IL23R: variants seen among roughly 807,000 people sequenced by gnomAD.
IL23R encodes the protein interleukin 23 receptor, also known as interleukin-23 receptor.
IL23R carries 34 observed loss-of-function variants against 56.9 expected under a neutral mutation model. The ratio of observed to expected loss-of-function variants is 0.60; its 90% CI spans 0.45 to 0.80. The LOEUF is 0.80. IL23R is among the 30% of genes least tolerant of loss of function. IL23R has a pLI of 0.00. For synonymous variants in IL23R, 230 were observed against 249.2 expected (o/e 0.92, Z 0.73); for missense variants, 635 against 730.0 (o/e 0.87, Z 1.50).
At chr1:67,186,113 A>C (rs950250308) in intron 4 of IL23R, among the ~76,000 whole-genome samples, 1 of 152,192 alleles carries the variant, frequency 6.6e-6, no homozygotes, top group Non-Finnish European at 1.5e-5. Context: ...CCATGAGAGC[A>C]AGACAACTAG....
At chr1:67,161,334 T>C (rs1646817526) in intron 1 of IL23R, among the ~76,000 whole-genome samples, 1 of 152,196 alleles carries the variant, frequency 6.6e-6, no homozygotes, top group African/African-American at 2.4e-5. Context: ...TTTAATGTGT[T>C]CAGTATTTTA....
At chr1:67,172,010 C>G (rs1646950494) in intron 3 of IL23R, among the ~76,000 whole-genome samples, 1 of 152,138 alleles carries the variant, frequency 6.6e-6, no homozygotes, top group African/African-American at 2.4e-5. Flanking sequence ...TCACTCTTTC[C>G]ACTTATTTAA....
intron 9 of IL23R, among the ~76,000 whole-genome samples, chr1:67,246,885 C>G (rs2100353158): frequency 6.6e-6 from 1 of 152,202 alleles, no homozygotes; most frequent in African/African-American, 2.4e-5. Context: ...TTCTGTCTCG[C>G]TGATCTGTCT....
At chr1:67,141,712 C>A (rs1305845254) in intron 1 of IL23R, among the ~76,000 whole-genome samples, 1 of 152,160 alleles carries the variant, frequency 6.6e-6, no homozygotes, top group Non-Finnish European at 1.5e-5. Flanking sequence ...GAGCTGAGAT[C>A]ACGCCACTGC....
intron 6 of IL23R, among the ~76,000 whole-genome samples, chr1:67,213,022 G>T (rs952451604): frequency 3.3e-5 from 5 of 151,844 alleles, no homozygotes; most frequent in Non-Finnish European, 5.9e-5. Context: ...TACAGGCATC[G>T]GGCACCACGT....
chr1:67,178,861 G>T (rs969072191), intron 3 of IL23R, among the ~76,000 whole-genome samples: 2 of 152,148 alleles, frequency 1.3e-5, no homozygotes, highest in South Asian at 2.1e-4. Context: ...CTTTTCTGCA[G>T]CTATTGAGAC....
chr1:67,146,248 C>A (rs944128916), intron 1 of IL23R, among the ~76,000 whole-genome samples: 3 of 152,156 alleles, frequency 2.0e-5, no homozygotes, highest in African/African-American at 7.2e-5. Context: ...CATGCAATAT[C>A]AAAAGTGATA....
intron 3 of IL23R, among the ~76,000 whole-genome samples, chr1:67,170,524 T>C (rs1646930243): frequency 6.6e-6 from 1 of 152,232 alleles, no homozygotes; most frequent in South Asian, 2.1e-4. Flanking sequence ...CTGAGTGTCC[T>C]GGAGGTGTTT....
Position 67,236,797 on chromosome 1 carries a change from C to A in IL23R, c.1040C>A (p.Thr347Asn), listed in dbSNP as rs1203890607. The change falls in exon 8 of 11, where the codon ACT becomes AAT. Residue 347 changes from threonine (T) to asparagine (N), a missense_variant. Coordinates refer to ENST00000347310, the MANE Select transcript of IL23R (RefSeq NM_144701.3). ...GCTTCCATCTCTACAGGGCACCTTACTTCTGGTAAGAAAATACAACTTAGG... is the reference window on the plus strand; with the variant it reads ...GCTTCCATCTCTACAGGGCACCTTAATTCTGGTAAGAAAATACAACTTAGG... ...TVASISTGHL[T>N]SDNRGDIGLL... The A allele has an allele frequency of 5.6e-6, 9 of 1,601,520 alleles. No homozygotes were observed. The highest frequency in any genetic ancestry group is 7.7e-6 in the Non-Finnish European group (9 of 1,168,604).
At chr1:67,169,194 A>T in intron 2 of IL23R, 148 bp from the exon 3 acceptor site, 1 of 577,718 alleles carries the variant, frequency 1.7e-6, no homozygotes, top group African/African-American at 1.9e-5. Context: ...AGGCTAGTTT[A>T]TGAAAAGATA....
At chr1:67,247,069 C>G (rs989311617) in intron 9 of IL23R, among the ~76,000 whole-genome samples, 2 of 151,784 alleles carry the variant, frequency 1.3e-5, no homozygotes, top group Non-Finnish European at 2.9e-5. Flanking sequence ...TTATGTAATG[C>G]CCTTCTTTGT....
At chr1:67,216,858 T>C (rs930662548) in intron 6 of IL23R, among the ~76,000 whole-genome samples, 2 of 152,088 alleles carry the variant, frequency 1.3e-5, no homozygotes, top group African/African-American at 4.8e-5. Flanking sequence ...ACAGAAAATG[T>C]GGAAAAATGT....
In IL23R at chr1:67,258,920, C is replaced by T; in HGVS notation, c.1682C>T (p.Pro561Leu). 6.2e-7 allele frequency: 1 copy of T among 1,614,046 alleles called. No homozygotes were observed. ...LILNQGECSS[P>L]DIQNSVEEET... ...TTAAATCAAGGAGAATGCAGTTCTC[C>T]TGACATACAAAACTCAGTAGAGGAG... is the stretch of plus-strand genomic sequence containing the variant. Residue 561 changes from proline to leucine, a missense_variant, in exon 11 of 11, where the codon CCT becomes CTT. Pro to Leu is a moderately conservative substitution (Grantham distance 98, BLOSUM62 -3). Coordinates refer to ENST00000347310, the MANE Select transcript of IL23R (RefSeq NM_144701.3).
chr1:67,251,204 G>C (rs925522009), intron 9 of IL23R, among the ~76,000 whole-genome samples: 1 of 152,208 alleles, frequency 6.6e-6, no homozygotes, highest in African/African-American at 2.4e-5. Flanking sequence ...TGTAATTCCA[G>C]CACTTTGGGA....
intron 4 of IL23R, among the ~76,000 whole-genome samples, chr1:67,194,750 A>G (rs935230111): frequency 1.3e-5 from 2 of 152,212 alleles, no homozygotes; most frequent in Admixed American, 6.5e-5. Context: ...AAAATATTCA[A>G]AGATGTCCTA....
At position 67,258,591 on chromosome 1, in the gene IL23R, G is replaced by A; in HGVS notation, c.1353G>A (p.Lys451=). 6.2e-7 allele frequency: 1 copy of A among 1,613,556 alleles called. No homozygotes were observed. Among genetic ancestry groups the A allele is most frequent in the Non-Finnish European group, 8.5e-7 (1 of 1,179,822 alleles). ...CAGAACACAAGCCTACAGACTACAA[G>A]AAGGAGAATACAGGACCCCTGGAGA... ...FIPEHKPTDY[K]KENTGPLETR... The change falls in exon 11 of 11, where the codon AAG becomes AAA. Residue 451 remains lysine (K), a synonymous_variant. Coordinates refer to ENST00000347310, the MANE Select transcript of IL23R (RefSeq NM_144701.3).
Position 67,193,075 on chromosome 1 carries a change from C to T in IL23R, c.492-7662C>T, listed in dbSNP as rs145666919. Among the ~76,000 whole-genome samples the T allele has an allele frequency of 2.9e-3, 438 of 152,316 alleles. 5 individuals are homozygous for T. Among genetic ancestry groups the T allele is most frequent in the African/African-American group, 0.01 (433 of 41,582 alleles). On this transcript the variant is annotated intron_variant, in intron 4 of 10. Coordinates refer to ENST00000347310, the MANE Select transcript of IL23R (RefSeq NM_144701.3). ...CCCTTTCCTAGTAAAACCTCACTGA[C>T]CTCCTTGCTGCTCTTTGAACAGGCC...
At chr1:67,238,424 G>A (rs10489628) in intron 8 of IL23R, among the ~76,000 whole-genome samples, 64,572 of 151,558 alleles carry the variant, frequency 0.43, 14,319 homozygotes, top group African/African-American at 0.53. Context: ...TCAATCAATT[G>A]CAAGCCAAGT....
intron 9 of IL23R, among the ~76,000 whole-genome samples, chr1:67,249,192 T>C (rs1438348434): frequency 2.0e-5 from 3 of 152,254 alleles, no homozygotes; most frequent in Non-Finnish European, 4.4e-5. Flanking sequence ...TGGTATTTAA[T>C]TAATTTTTGT....
Sources: allele counts gnomAD v4.1 joint callset (sites outside exome capture counted in the v4.1 genomes callset), GRCh38; gene constraint gnomAD v4.1.1; transcripts MANE v1.5; gene names NCBI Gene and HGNC (gene_info 2026-07-23, HGNC 2026-07-21).